EDIL3: variants seen among roughly 807,000 people sequenced by gnomAD.
EDIL3 encodes the protein EGF like and discoidin domains 3, also known as EGF-like repeat and discoidin I-like domain-containing protein 3.
A neutral mutation model predicts 67.4 loss-of-function variants in EDIL3; 37 were observed. That is an observed-to-expected ratio of 0.55 (90% CI 0.42 to 0.72). The LOEUF is 0.72. Among genes scored for constraint, EDIL3 ranks in the 30% least tolerant of loss-of-function variants. The pLI is 0.00. For missense variants in EDIL3, 527 were observed against 586.3 expected (o/e 0.90, Z 1.04); for synonymous variants, 195 against 196.3 (o/e 0.99, Z 0.05).
intron 4 of EDIL3, among the ~76,000 whole-genome samples, chr5:84,141,906 C>CATATATATATATAT (rs1178660927): frequency 7.8e-4 from 76 of 96,832 alleles, no homozygotes; most frequent in African/African-American, 2.7e-3. Context: ...ACAAACTACT[C>CATATATATATATAT]ATATATATAT....
intron 9 of EDIL3, among the ~76,000 whole-genome samples, chr5:84,035,659 A>C (rs2112207678): frequency 6.6e-6 from 1 of 152,304 alleles, no homozygotes; most frequent in African/African-American, 2.4e-5. Context: ...AGTTTCTCAA[A>C]CATATTATAC....
intron 1 of EDIL3, among the ~76,000 whole-genome samples, chr5:84,311,842 C>T (rs1746395804): frequency 6.6e-6 from 1 of 152,166 alleles, no homozygotes; most frequent in South Asian, 2.1e-4. Context: ...CCTGAGTGGA[C>T]ACAGCACATG....
Position 84,168,700 on chromosome 5 carries a change from C to G in EDIL3, c.355+11693G>C, listed in dbSNP as rs576922453. Among the ~76,000 whole-genome samples, 21 of 152,256 alleles carry G rather than the reference C, an allele frequency of 1.4e-4. No individual in the cohort carries two copies. In the South Asian group the frequency reaches 1.4e-3, roughly 11 times the overall value. On this transcript the variant is annotated intron_variant, in intron 4 of 10. Coordinates refer to ENST00000296591, the MANE Select transcript of EDIL3 (RefSeq NM_005711.5). Reference sequence around the variant, plus strand: ...CTTCAAACTATTTTTCATATACGAACATTGTTCAACTCCTCCCAAGTGTTC... The same window carrying G: ...CTTCAAACTATTTTTCATATACGAAGATTGTTCAACTCCTCCCAAGTGTTC...
chr5:84,384,411 G>A lies in EDIL3; in HGVS notation c.-37C>T, dbSNP rs112586454. On this transcript the variant is annotated 5_prime_UTR_variant, in exon 1 of 11. Transcript: ENST00000296591. ...CCGGACGTGACCCCGGCTGGTCAGG[G>A]GTCGTCGCGGAGGGCAGTGTAGCCG... 4.2e-4 allele frequency: 681 copies of A among 1,611,238 alleles called. 2 individuals carry two copies. In the African/African-American group the frequency reaches 8.1e-3, roughly 19 times the overall value.
chr5:84,017,184 T>G (rs1172165103), intron 9 of EDIL3, among the ~76,000 whole-genome samples: 1 of 152,198 alleles, frequency 6.6e-6, no homozygotes, highest in African/African-American at 2.4e-5. Flanking sequence ...CCTAGTTCTA[T>G]TGTCAAGATT....
chr5:84,254,831 T>A (rs981186987), intron 1 of EDIL3, among the ~76,000 whole-genome samples: 1 of 152,184 alleles, frequency 6.6e-6, no homozygotes, highest in Non-Finnish European at 1.5e-5. Context: ...GAGAAATAAC[T>A]TATGACATAA....
At chr5:84,107,255 T>C (rs1278181052) in intron 5 of EDIL3, among the ~76,000 whole-genome samples, 1 of 152,098 alleles carries the variant, frequency 6.6e-6, no homozygotes, top group East Asian at 1.9e-4. Flanking sequence ...GCTGAGCTTT[T>C]TTTCAAAGTT....
chr5:83,973,453 A>G (rs895668815), intron 9 of EDIL3, among the ~76,000 whole-genome samples: 1 of 152,104 alleles, frequency 6.6e-6, no homozygotes, highest in Non-Finnish European at 1.5e-5. Flanking sequence ...GTAGGACCTG[A>G]AAGAGTTTGT....
Position 83,943,535 on chromosome 5 carries a change from T to C in EDIL3, c.1327A>G (p.Arg443Gly), listed in dbSNP as rs1423207364. 2 of 1,612,506 alleles carry C rather than the reference T, an allele frequency of 1.2e-6. No individual in the cohort carries two copies. The highest frequency in any genetic ancestry group is 1.7e-6 in the Non-Finnish European group (2 of 1,179,054). The stretch of plus-strand genomic sequence containing the variant: ...ATGGGAGGGTCGATGACATTTTTTC[T>C]GTGAGTGTCATTGTCAAAATTTCCC... ...FQGNFDNDTH[R>G]KNVIDPPIYA... The change falls in exon 11 of 11, where the codon AGA becomes GGA. Residue 443 changes from arginine to glycine, a missense_variant. Arg to Gly is a moderately radical substitution (Grantham distance 125). Transcript: ENST00000296591.
intron 1 of EDIL3, among the ~76,000 whole-genome samples, chr5:84,288,864 G>A (rs1745860379): frequency 2.0e-5 from 3 of 151,454 alleles, no homozygotes; most frequent in East Asian, 1.9e-4. Flanking sequence ...ATCCCCACAA[G>A]AATAGACTTT....
intron 1 of EDIL3, among the ~76,000 whole-genome samples, chr5:84,381,835 GGTTT>G (rs1748081675): frequency 6.6e-6 from 1 of 152,092 alleles, no homozygotes; most frequent in Non-Finnish European, 1.5e-5. Context: ...CTGATCCATT[GGTTT>G]AATTTTAAAA....
intron 1 of EDIL3, among the ~76,000 whole-genome samples, chr5:84,270,277 T>C (rs1405089203): frequency 6.6e-6 from 1 of 152,112 alleles, no homozygotes; most frequent in Non-Finnish European, 1.5e-5. Context: ...CAAAGGTTAG[T>C]GAGTATCATG....
intron 1 of EDIL3, among the ~76,000 whole-genome samples, chr5:84,264,425 C>A (rs1745305417): frequency 1.3e-5 from 2 of 152,078 alleles, no homozygotes. Context: ...GTACTGAGGG[C>A]CCACACAAGA....
intron 4 of EDIL3, among the ~76,000 whole-genome samples, chr5:84,154,300 G>T (rs564014924): frequency 2.1e-4 from 32 of 152,120 alleles, no homozygotes; most frequent in South Asian, 1.0e-3. Flanking sequence ...AAGAATTGGG[G>T]CAATAATGAC....
At chr5:84,076,643 T>C (rs1271325562) in intron 6 of EDIL3, among the ~76,000 whole-genome samples, 2 of 152,344 alleles carry the variant, frequency 1.3e-5, no homozygotes, top group African/African-American at 4.8e-5. Flanking sequence ...TTTTAATTAT[T>C]GGAATGTATG....
At chr5:84,293,010 A>G (rs934891211) in intron 1 of EDIL3, among the ~76,000 whole-genome samples, 6 of 152,080 alleles carry the variant, frequency 3.9e-5, no homozygotes, top group Admixed American at 2.6e-4. Context: ...TTATAAGGTT[A>G]TACCTCCATC....
intron 9 of EDIL3, among the ~76,000 whole-genome samples, chr5:83,986,691 G>A (rs1392762609): frequency 6.6e-6 from 1 of 152,076 alleles, no homozygotes; most frequent in Non-Finnish European, 1.5e-5. Context: ...GTCCCCTGCA[G>A]GCGTAAGAAC....
At chr5:83,995,729 A>G (rs958904559) in intron 9 of EDIL3, among the ~76,000 whole-genome samples, 1 of 152,102 alleles carries the variant, frequency 6.6e-6, no homozygotes, top group Non-Finnish European at 1.5e-5. Context: ...ATTACATTCC[A>G]TTACCATGTT....
chr5:83,991,218 C>T lies in EDIL3; in HGVS notation c.1138-27858G>A, dbSNP rs139637116. 1.9e-3 allele frequency among the ~76,000 whole-genome samples: 294 copies of T among 152,234 alleles called. 1 individual carries two copies. Among genetic ancestry groups the T allele is most frequent in the African/African-American group, 5.8e-3 (241 of 41,540 alleles). On this transcript the variant is annotated intron_variant, in intron 9 of 10. Coordinates refer to ENST00000296591, the MANE Select transcript of EDIL3 (RefSeq NM_005711.5). ...TTTAGAATCCCTACATCAACTGGCC[C>T]GTTCCCACATCTTTTCCTTACCTGG...
Sources: allele counts gnomAD v4.1 joint callset (sites outside exome capture counted in the v4.1 genomes callset), GRCh38; gene constraint gnomAD v4.1.1; transcripts MANE v1.5; gene names NCBI Gene and HGNC (gene_info 2026-07-23, HGNC 2026-07-21).